FRMD4A: variants seen among roughly 807,000 people sequenced by gnomAD.
FRMD4A encodes FERM domain-containing protein 4A.
A neutral mutation model predicts 129.1 loss-of-function variants in FRMD4A; 29 were observed. The ratio of observed to expected loss-of-function variants is 0.22; its 90% CI spans 0.17 to 0.31. FRMD4A has a LOEUF of 0.31. Ranked by LOEUF, FRMD4A falls within the 10% of genes least tolerant of loss-of-function variation. FRMD4A has a pLI of 1.00. For synonymous variants in FRMD4A, 634 were observed against 571.6 expected, an observed-to-expected ratio of 1.11 and a Z score of -1.56; for missense variants, 1,272 against 1,375.8, an observed-to-expected ratio of 0.92 and a Z score of 1.19.
chr10:14,176,135 T>A (rs949542174), intron 2 of FRMD4A, among the ~76,000 whole-genome samples: 2 of 152,228 alleles, frequency 1.3e-5, no homozygotes, highest in African/African-American at 4.8e-5. Flanking sequence ...GCACCTAGTA[T>A]GTGCTGGAAG....
chr10:14,290,200 G>A (rs148393137), intron 2 of FRMD4A, among the ~76,000 whole-genome samples: 2,675 of 152,070 alleles, frequency 0.018, 42 homozygotes, highest in Non-Finnish European at 0.027. Context: ...AAATCCTAAT[G>A]GCATTTTTTA....
chr10:13,958,289 T>TG (rs1166219288), intron 2 of FRMD4A, among the ~76,000 whole-genome samples: 1 of 145,320 alleles, frequency 6.9e-6, no homozygotes, highest in Non-Finnish European at 1.5e-5. Flanking sequence ...TTGTTTTTTT[T>TG]TTTTTTTTTT....
intron 2 of FRMD4A, among the ~76,000 whole-genome samples, chr10:13,963,916 A>G (rs1236641208): frequency 6.6e-6 from 1 of 152,210 alleles, no homozygotes; most frequent in East Asian, 1.9e-4. Flanking sequence ...AATTCCTAAC[A>G]CATGGATGTT....
intron 2 of FRMD4A, among the ~76,000 whole-genome samples, chr10:14,231,193 C>A (rs1014350407): frequency 6.6e-6 from 1 of 152,160 alleles, no homozygotes; most frequent in African/African-American, 2.4e-5. Context: ...TTTGAGAAAT[C>A]GCCAAACTCC....
At chr10:13,811,361 G>T (rs908494102) in intron 3 of FRMD4A, among the ~76,000 whole-genome samples, 2 of 149,248 alleles carry the variant, frequency 1.3e-5, no homozygotes, top group Admixed American at 6.7e-5. Flanking sequence ...TCTAACTCCT[G>T]GCTTCAAGTG....
At chr10:14,152,542 C>A (rs1247297375) in intron 2 of FRMD4A, among the ~76,000 whole-genome samples, 1 of 152,084 alleles carries the variant, frequency 6.6e-6, no homozygotes, top group Non-Finnish European at 1.5e-5. Context: ...AATGGGGAAC[C>A]AATAATGTCC....
chr10:13,925,785 G>A (rs980915839), intron 2 of FRMD4A, among the ~76,000 whole-genome samples: 2 of 150,962 alleles, frequency 1.3e-5, no homozygotes, highest in African/African-American at 2.4e-5. Flanking sequence ...GGGTTTCACC[G>A]TGTTAGCCAG....
chr10:14,076,358 T>C (rs1010400356), intron 2 of FRMD4A, among the ~76,000 whole-genome samples: 2 of 152,190 alleles, frequency 1.3e-5, no homozygotes, highest in Admixed American at 6.5e-5. Flanking sequence ...ATGTGGATCA[T>C]GGCCAGGTGT....
rs565562628 is a variant in FRMD4A at position 13,723,815 on chromosome 10, T to G, written c.759+14029A>C. ...CCTGGAAAGAGAGGGTTCATTAGGG[T>G]TACCTGGAGAGCTTAATAGGTATCC... On this transcript the variant is annotated intron_variant, in intron 12 of 24. Coordinates refer to ENST00000357447, the MANE Select transcript of FRMD4A (RefSeq NM_018027.5). 4.6e-5 allele frequency among the ~76,000 whole-genome samples: 7 copies of G among 152,268 alleles called. No individual in the cohort carries two copies. The South Asian group carries it at 1.5e-3, about 32-fold the overall frequency.
At chr10:14,262,846 T>C (rs767222081) in intron 2 of FRMD4A, among the ~76,000 whole-genome samples, 2 of 152,206 alleles carry the variant, frequency 1.3e-5, no homozygotes, top group Admixed American at 6.5e-5. Flanking sequence ...TGTAAGTCTA[T>C]CTTAAAGCAC....
rs192885106 is a variant in FRMD4A at position 14,221,198 on chromosome 10, C to A, written c.45+108860G>T. ...CAAGATGATCTGATGCTGCAGGGGG[C>A]TGCCCTACTGCCCTGAGGCCCCTTA... On this transcript the variant is annotated intron_variant, in intron 2 of 24. Coordinates refer to ENST00000357447, the MANE Select transcript of FRMD4A (RefSeq NM_018027.5). 9.5e-4 allele frequency among the ~76,000 whole-genome samples: 144 copies of A among 152,292 alleles called. 1 individual carries two copies. The highest frequency in any genetic ancestry group is 2.8e-3 in the African/African-American group (115 of 41,548).
At chr10:13,866,540 A>C (rs903158004) in intron 2 of FRMD4A, among the ~76,000 whole-genome samples, 2 of 152,204 alleles carry the variant, frequency 1.3e-5, no homozygotes, top group Non-Finnish European at 2.9e-5. Context: ...CAAACATTGC[A>C]AGACCACAAA....
chr10:13,853,982 T>A (rs2094178286), intron 3 of FRMD4A, among the ~76,000 whole-genome samples: 1 of 152,142 alleles, frequency 6.6e-6, no homozygotes, highest in Non-Finnish European at 1.5e-5. Flanking sequence ...GCAGGCTCCC[T>A]GTGAGACAGG....
chr10:13,847,531 C>T (rs1354590398), intron 3 of FRMD4A, among the ~76,000 whole-genome samples: 1 of 152,192 alleles, frequency 6.6e-6, no homozygotes, highest in Non-Finnish European at 1.5e-5. Flanking sequence ...TCCCTTCCTC[C>T]CTTCCTCCCT....
intron 2 of FRMD4A, among the ~76,000 whole-genome samples, chr10:13,884,190 A>T (rs11258700): frequency 1.1e-3 from 101 of 88,768 alleles, no homozygotes; most frequent in African/African-American, 3.9e-3. Context: ...ACACACACAC[A>T]CACACTCACA....
intron 2 of FRMD4A, among the ~76,000 whole-genome samples, chr10:14,001,824 G>T (rs1311794083): frequency 6.6e-6 from 1 of 152,192 alleles, no homozygotes; most frequent in East Asian, 1.9e-4. Flanking sequence ...TGAATACACT[G>T]ATCTGTCTGA....
At chr10:13,697,264 C>A (rs997490034) in intron 14 of FRMD4A, among the ~76,000 whole-genome samples, 1 of 151,024 alleles carries the variant, frequency 6.6e-6, no homozygotes, top group Non-Finnish European at 1.5e-5. Flanking sequence ...TCAAGCGATT[C>A]TCCTCCCTCA....
At chr10:13,980,519 C>T (rs1442855228) in intron 2 of FRMD4A, among the ~76,000 whole-genome samples, 1 of 152,088 alleles carries the variant, frequency 6.6e-6, no homozygotes, top group Non-Finnish European at 1.5e-5. Context: ...CACTTGAGGC[C>T]AGGAGTTCGA....
chr10:14,292,993 T>C (rs955846963), intron 2 of FRMD4A, among the ~76,000 whole-genome samples: 1 of 151,912 alleles, frequency 6.6e-6, no homozygotes, highest in African/African-American at 2.4e-5. Flanking sequence ...AGATATTACA[T>C]TTATAAATGA....
Sources: allele counts gnomAD v4.1 joint callset (sites outside exome capture counted in the v4.1 genomes callset), GRCh38; gene constraint gnomAD v4.1.1; transcripts MANE v1.5; gene names NCBI Gene and HGNC (gene_info 2026-07-23, HGNC 2026-07-21).